MMD: variants seen among roughly 807,000 people sequenced by gnomAD.
MMD encodes the protein monocyte to macrophage differentiation factor.
In MMD, 22 loss-of-function variants were observed where a neutral mutation model predicts 33.6. The ratio of observed to expected loss-of-function variants is 0.66; its 90% CI spans 0.47 to 0.94. MMD has a LOEUF of 0.94. Ranked by LOEUF, MMD falls within the 40% of genes least tolerant of loss-of-function variation. MMD has a pLI of 0.00. For missense variants in MMD, 242 were observed against 309.8 expected (o/e 0.78, Z 1.64); for synonymous variants, 97 against 103.2 (o/e 0.94, Z 0.36).
At chr17:55,411,489 C>G (rs1345980878) in intron 2 of MMD, 72 bp from the exon 3 acceptor site, 1 of 1,457,806 alleles carries the variant, frequency 6.9e-7, no homozygotes, top group African/African-American at 1.4e-5. Flanking sequence ...ACTAAAAATA[C>G]AGAGCTTTAC....
intron 6 of MMD, among the ~76,000 whole-genome samples, chr17:55,395,761 A>T (rs1907075034): frequency 6.6e-6 from 1 of 152,250 alleles, no homozygotes; most frequent in Non-Finnish European, 1.5e-5. Context: ...ATTTTTATTT[A>T]AAAAGTAAAA....
chr17:55,401,186 G>GTC (rs1907314480), intron 6 of MMD, among the ~76,000 whole-genome samples: 1 of 152,028 alleles, frequency 6.6e-6, no homozygotes, highest in Non-Finnish European at 1.5e-5. Context: ...TTGAGACAGG[G>GTC]TCTCGCTCTG....
chr17:55,400,037 C>T (rs977761410), intron 6 of MMD, among the ~76,000 whole-genome samples: 1 of 152,094 alleles, frequency 6.6e-6, no homozygotes, highest in African/African-American at 2.4e-5. Flanking sequence ...TCATTTCTGT[C>T]CTTTAACTCC....
chr17:55,412,036 C>CACTGA (rs1907786269), intron 2 of MMD, among the ~76,000 whole-genome samples: 1 of 152,154 alleles, frequency 6.6e-6, no homozygotes, highest in Admixed American at 6.5e-5. Context: ...ATGATTGTAC[C>CACTGA]ACTGAACTCC....
Position 55,411,293 on chromosome 17 carries a change from A to G in MMD, c.233T>C (p.Val78Ala), listed in dbSNP as rs1334651850. Residue 78 changes from valine (V) to alanine (A), a missense_variant, in exon 3 of 7, where the codon GTA becomes GCA. Coordinates refer to ENST00000262065, the MANE Select transcript of MMD (RefSeq NM_012329.3). ...GLCALFIVST[V>A]FHIVSWKKSH... is the part of the protein sequence containing the mutation. ...CTTTTTCCATGATACAATGTGAAAT[A>G]CTGTAGAAACGATGAAGAGGGCACA... 1 of 1,613,994 alleles carries G rather than the reference A, an allele frequency of 6.2e-7. No individual in the cohort carries two copies. Among genetic ancestry groups the G allele is most frequent in the Admixed American group, 1.7e-5 (1 of 59,978 alleles).
rs1399889493 is a variant in MMD, at chr17:55,393,025, A to C, written c.*1309T>G. The C allele has an allele frequency of 6.6e-6, 1 of 152,222 alleles. No individual in the cohort carries two copies. Among genetic ancestry groups the C allele is most frequent in the Non-Finnish European group, 1.5e-5 (1 of 68,030 alleles). 9.4% of individuals were successfully genotyped at this position (152,222 alleles called of 1,614,324 possible). A position where few individuals can be genotyped will look rare whatever the true frequency, so the allele number is the denominator to read the frequency against. ...TCAGCCCATTACTAGGAAACAGGCA[A>C]TATCAGCACCCGATCTAAAGGCAAG... On this transcript the variant is annotated 3_prime_UTR_variant, in exon 7 of 7. Coordinates refer to ENST00000262065, the MANE Select transcript of MMD (RefSeq NM_012329.3).
At chr17:55,407,145 A>G (rs918946627) in intron 4 of MMD, among the ~76,000 whole-genome samples, 2 of 151,986 alleles carry the variant, frequency 1.3e-5, no homozygotes, top group Admixed American at 6.6e-5. Context: ...CCTGGCCAAC[A>G]TGGTGAAACC....
rs1484973588 is a variant in MMD at position 55,392,834 on chromosome 17, T to A, written c.*1500A>T. 3 of 152,332 alleles carry A rather than the reference T, an allele frequency of 2.0e-5. No individual in the cohort carries two copies. Among genetic ancestry groups the A allele is most frequent in the Non-Finnish European group, 1.5e-5 (1 of 68,042 alleles). 9.4% of individuals were successfully genotyped at this position (152,332 alleles called of 1,614,324 possible). A position where few individuals can be genotyped will look rare whatever the true frequency, so the allele number is the denominator to read the frequency against. On this transcript the variant is annotated 3_prime_UTR_variant, in exon 7 of 7. Transcript: ENST00000262065. The stretch of plus-strand genomic sequence containing the variant: ...TGTTATCACTGGGTACCTTGCCTAT[T>A]TAACTCGCCAGCAAATACCACTTCT...
At chr17:55,408,334 T>C (rs1253278367) in intron 3 of MMD, among the ~76,000 whole-genome samples, 1 of 152,132 alleles carries the variant, frequency 6.6e-6, no homozygotes, top group Non-Finnish European at 1.5e-5. Flanking sequence ...GTGTGGACAG[T>C]AAATAGTAAT....
chr17:55,415,693 G>A (rs907352605), intron 1 of MMD, among the ~76,000 whole-genome samples: 9 of 152,276 alleles, frequency 5.9e-5, no homozygotes, highest in South Asian at 2.1e-4. Flanking sequence ...AGATAGTTCA[G>A]GTGGAAAATC....
At chr17:55,402,686 G>A (rs1907395264) in intron 5 of MMD, among the ~76,000 whole-genome samples, 2 of 152,140 alleles carry the variant, frequency 1.3e-5, no homozygotes, top group South Asian at 4.1e-4. Flanking sequence ...GCCGGGAAAA[G>A]GAGAAAAGAT....
chr17:55,401,653 C>G, intron 5 of MMD, 115 bp from the exon 6 acceptor site: 1 of 801,162 alleles, frequency 1.2e-6, no homozygotes, highest in Non-Finnish European at 1.9e-6. Flanking sequence ...CTTAACTATT[C>G]AAATAAAACT....
intron 1 of MMD, among the ~76,000 whole-genome samples, chr17:55,417,811 C>A (rs1012823919): frequency 2.0e-5 from 3 of 152,116 alleles, no homozygotes; most frequent in African/African-American, 7.2e-5. Context: ...AAACAAACAA[C>A]AACAAAAAAC....
At chr17:55,405,206 A>G (rs1389470465) in intron 4 of MMD, among the ~76,000 whole-genome samples, 1 of 151,520 alleles carries the variant, frequency 6.6e-6, no homozygotes, top group Non-Finnish European at 1.5e-5. Flanking sequence ...CATCTCTACT[A>G]AAAATACAAA....
intron 6 of MMD, among the ~76,000 whole-genome samples, chr17:55,395,296 T>C (rs1907057993): frequency 6.6e-6 from 1 of 152,174 alleles, no homozygotes; most frequent in South Asian, 2.1e-4. Context: ...GGAGAGAGAA[T>C]AGAGGCAATG....
chr17:55,414,003 G>A, intron 2 of MMD, 148 bp downstream of exon 2: 2 of 708,648 alleles, frequency 2.8e-6, no homozygotes, highest in East Asian at 5.5e-5. Context: ...ATAGTTTCTG[G>A]TGACACGACC....
intron 6 of MMD, among the ~76,000 whole-genome samples, chr17:55,400,980 C>G (rs182891508): frequency 6.6e-6 from 1 of 151,898 alleles, no homozygotes; most frequent in Non-Finnish European, 1.5e-5. Context: ...GCTTGACTTA[C>G]GACTTAAAAG....
At chr17:55,420,223 G>A (rs1908125733) in intron 1 of MMD, 1 of 152,098 alleles carries the variant, frequency 6.6e-6, no homozygotes. Flanking sequence ...GTGTAGAGAA[G>A]TAAAACCAAA....
Position 55,401,498 on chromosome 17 carries a change from A to T in MMD, c.487T>A (p.Phe163Ile). ...VELFFYLTMG[F>I]SPALVVTSMN... ...GATGTCACCACCAAGGCTGGAGAGA[A>T]TCCCATTGTGAGATAGAAAAAGAGT... Residue 163 changes from phenylalanine to isoleucine, a missense_variant, in exon 6 of 7, where the codon TTC becomes ATC. Coordinates refer to ENST00000262065, the MANE Select transcript of MMD (RefSeq NM_012329.3). The T allele has an allele frequency of 6.2e-7, 1 of 1,612,322 alleles. No homozygotes were observed. The highest frequency in any genetic ancestry group is 8.5e-7 in the Non-Finnish European group (1 of 1,179,462).
Sources: gnomAD v4.1 joint callset for allele counts (sites outside exome capture counted in the v4.1 genomes callset) on GRCh38, gnomAD v4.1.1 for gene constraint, MANE v1.5 for transcripts, NCBI Gene and HGNC (gene_info 2026-07-23, HGNC 2026-07-21) for gene names.